PTPN11: variants seen among roughly 807,000 people sequenced by gnomAD.
The protein encoded by PTPN11 is protein tyrosine phosphatase non-receptor type 11.
PTPN11 carries 6 observed loss-of-function variants against 78.8 expected under a neutral mutation model. The observed-to-expected ratio is 0.08, with a 90% CI of 0.04 to 0.15. PTPN11 has a LOEUF of 0.15. Ranked by LOEUF, PTPN11 falls within the 10% of genes least tolerant of loss-of-function variation. The pLI, the probability that PTPN11 is intolerant of heterozygous loss-of-function variation, is 1.00. For synonymous variants in PTPN11, 221 were observed against 263.5 expected, an observed-to-expected ratio of 0.84 and a Z score of 1.56; for missense variants, 386 against 744.8, an observed-to-expected ratio of 0.52 and a Z score of 5.61.
Position 112,438,486 on chromosome 12 carries a change from A to AT in PTPN11, c.15-7777dup, listed in dbSNP as rs980146025. On this transcript the variant is annotated intron_variant, in intron 1 of 15. Coordinates refer to ENST00000351677, the MANE Select transcript of PTPN11 (RefSeq NM_002834.5). ...CTACAGGAGCACACCACCATACCTA[A>AT]TTTTTTTTTTTTTGAGACGAAGTCT... Among the ~76,000 whole-genome samples the AT allele has an allele frequency of 8.1e-3, 1,162 of 143,144 alleles. 8 individuals carry two copies. The highest frequency in any genetic ancestry group is 0.02 in the African/African-American group (791 of 39,214). 93.9% of individuals were successfully genotyped at this position (143,144 alleles called of 152,430 possible). A position where few individuals can be genotyped will look rare whatever the true frequency, so the allele number is the denominator to read the frequency against.
chr12:112,468,886 A>T (rs2038369845), intron 6 of PTPN11, among the ~76,000 whole-genome samples: 1 of 152,180 alleles, frequency 6.6e-6, no homozygotes, highest in South Asian at 2.1e-4. Flanking sequence ...CAACATAGTG[A>T]GACCCTGTCT....
At chr12:112,476,246 T>G (rs1230943022) in intron 7 of PTPN11, among the ~76,000 whole-genome samples, 1 of 152,240 alleles carries the variant, frequency 6.6e-6, no homozygotes, top group Non-Finnish European at 1.5e-5. Flanking sequence ...CTTAAAGGTC[T>G]CATTCAGATG....
At chr12:112,469,394 C>T (rs1192355785) in intron 6 of PTPN11, among the ~76,000 whole-genome samples, 3 of 151,956 alleles carry the variant, frequency 2.0e-5, no homozygotes, top group Admixed American at 2.0e-4. Flanking sequence ...AGGAATGCCC[C>T]AGTATCTAGG....
chr12:112,420,839 A>G (rs1006076531), intron 1 of PTPN11, among the ~76,000 whole-genome samples: 19 of 152,252 alleles, frequency 1.2e-4, no homozygotes, highest in Non-Finnish European at 2.5e-4. Flanking sequence ...AACAGTGTAT[A>G]GCCTCAAATG....
intron 6 of PTPN11, among the ~76,000 whole-genome samples, chr12:112,456,779 A>G (rs1215361200): frequency 1.3e-5 from 2 of 151,226 alleles, no homozygotes; most frequent in Admixed American, 6.6e-5. Flanking sequence ...ATTTTTTTGT[A>G]GAGATGGGGT....
At position 112,506,628 on chromosome 12, in the gene PTPN11, T is replaced by C. The variant is rs1001843451; in HGVS notation, c.*836T>C. ...TGCTGACAAACTTATCCCAAAACTT[T>C]AGTGGCTTAAAAAAACCTGCCCCCA... On this transcript the variant is annotated 3_prime_UTR_variant, in exon 16 of 16. Transcript: ENST00000351677. The C allele has an allele frequency of 2.6e-5, 4 of 152,226 alleles. No individual in the cohort carries two copies. The highest frequency in any genetic ancestry group is 7.2e-5 in the African/African-American group (3 of 41,464). 9.4% of individuals were successfully genotyped at this position (152,226 alleles called of 1,614,324 possible).
chr12:112,444,603 A>T (rs1205993038), intron 1 of PTPN11, among the ~76,000 whole-genome samples: 1 of 152,034 alleles, frequency 6.6e-6, no homozygotes, highest in Non-Finnish European at 1.5e-5. Flanking sequence ...GCCTCCCAAA[A>T]TTCTGGGATT....
intron 10 of PTPN11, among the ~76,000 whole-genome samples, chr12:112,485,588 C>T (rs184972636): frequency 9.0e-4 from 137 of 152,284 alleles, no homozygotes; most frequent in Non-Finnish European, 1.5e-3. Context: ...CCAAGGGCCA[C>T]GTGAGTGTGA....
intron 9 of PTPN11, among the ~76,000 whole-genome samples, 153 bp from the exon 10 acceptor site, chr12:112,481,921 T>C (rs1450587811): frequency 6.6e-6 from 1 of 152,260 alleles, no homozygotes; most frequent in Non-Finnish European, 1.5e-5. Flanking sequence ...ATTTGAACTC[T>C]TCTGTCCTTT....
chr12:112,425,336 T>C (rs1160310625), intron 1 of PTPN11, among the ~76,000 whole-genome samples: 2 of 152,178 alleles, frequency 1.3e-5, no homozygotes, highest in African/African-American at 4.8e-5. Context: ...TTACTTATAA[T>C]GCTTGTCCCT....
intron 6 of PTPN11, among the ~76,000 whole-genome samples, chr12:112,472,063 C>T (rs1235697457): frequency 6.6e-6 from 1 of 152,164 alleles, no homozygotes; most frequent in Non-Finnish European, 1.5e-5. Flanking sequence ...TGGTCTTTAA[C>T]TCCTGACTTC....
intron 6 of PTPN11, among the ~76,000 whole-genome samples, chr12:112,464,428 A>C (rs767621612): frequency 6.6e-6 from 1 of 151,436 alleles, no homozygotes; most frequent in Non-Finnish European, 1.5e-5. Flanking sequence ...TTTTATTTTA[A>C]TTTTTATTAG....
At chr12:112,459,084 C>T (rs2038208127) in intron 6 of PTPN11, among the ~76,000 whole-genome samples, 1 of 152,116 alleles carries the variant, frequency 6.6e-6, no homozygotes, top group African/African-American at 2.4e-5. Flanking sequence ...TTTGAAATCT[C>T]AGCCTCACTG....
At chr12:112,431,548 A>G (rs1459957342) in intron 1 of PTPN11, among the ~76,000 whole-genome samples, 1 of 151,946 alleles carries the variant, frequency 6.6e-6, no homozygotes, top group South Asian at 2.1e-4. Flanking sequence ...AGAAGGTAGG[A>G]TGGGGGATCT....
rs187389813 is a variant in PTPN11, at chr12:112,477,619, A to C, written c.854-32A>C. The C allele has an allele frequency of 4.9e-3, 7,529 of 1,547,882 alleles. 563 individuals are homozygous for C. In the Admixed American group the frequency reaches 0.12, roughly 25 times the overall value. On this transcript the variant is annotated intron_variant, in intron 7 of 15. Coordinates refer to ENST00000351677, the MANE Select transcript of PTPN11 (RefSeq NM_002834.5). ...CTGTTTTTTCCTGAAGCAGTCCAGGACTTATGTGACCGTGGTCTCTTTTTC... is the reference window on the plus strand; with the variant it reads ...CTGTTTTTTCCTGAAGCAGTCCAGGCCTTATGTGACCGTGGTCTCTTTTTC...
At chr12:112,444,110 CAG>C (rs1418761876) in intron 1 of PTPN11, among the ~76,000 whole-genome samples, 1 of 152,110 alleles carries the variant, frequency 6.6e-6, no homozygotes, top group East Asian at 1.9e-4. Flanking sequence ...GTTTCAACCT[CAG>C]GGGAGCGGCA....
In PTPN11 at chr12:112,477,880, C is replaced by G. The variant is rs771407775; in HGVS notation, c.957C>G (p.Asn319Lys). The change falls in exon 9 of 16, where the codon AAC becomes AAG. Residue 319 changes from asparagine to lysine, a missense_variant. Physicochemically the swap from Asn to Lys is moderately conservative, Grantham distance 94. Transcript: ENST00000351677. ...AGCCTGAATTTGAAACCAAGTGCAA[C>G]AATTCAAAGCCCAAAAAGAGTTACA... ...IIMPEFETKCNNSKPKKSYIA... is the reference protein window; with the variant it reads ...IIMPEFETKCKNSKPKKSYIA... The G allele has an allele frequency of 6.2e-7, 1 of 1,614,148 alleles. No individual in the cohort carries two copies. Among genetic ancestry groups the G allele is most frequent in the South Asian group, 1.1e-5 (1 of 91,084 alleles).
chr12:112,419,308 C>A (rs994222021), intron 1 of PTPN11, among the ~76,000 whole-genome samples, 183 bp downstream of exon 1: 5 of 152,254 alleles, frequency 3.3e-5, no homozygotes, highest in Middle Eastern at 3.4e-3. Context: ...ACCGCGCCCC[C>A]ACCCCTCGGG....
intron 13 of PTPN11, among the ~76,000 whole-genome samples, chr12:112,493,696 G>A (rs1239336903): frequency 6.6e-6 from 1 of 152,018 alleles, no homozygotes; most frequent in Non-Finnish European, 1.5e-5. Flanking sequence ...GCCACATTAC[G>A]TTAGTATTAA....
Sources: allele counts gnomAD v4.1 joint callset (sites outside exome capture counted in the v4.1 genomes callset), GRCh38; gene constraint gnomAD v4.1.1; transcripts MANE v1.5; gene names NCBI Gene and HGNC (gene_info 2026-07-23, HGNC 2026-07-21).